HTR1F: variants seen among roughly 807,000 people sequenced by gnomAD.
HTR1F encodes 5-hydroxytryptamine (serotonin) receptor 1F, G protein-coupled.
In HTR1F, 17 loss-of-function variants were observed where a neutral mutation model predicts 24.0. The ratio of observed to expected loss-of-function variants is 0.71; its 90% CI spans 0.48 to 1.06. The LOEUF (loss-of-function observed/expected upper bound fraction) is 1.06. Among genes scored for constraint, HTR1F ranks in the 50% least tolerant of loss-of-function variants. The pLI is 0.00. For synonymous variants in HTR1F, 186 were observed against 156.8 expected (o/e 1.19, Z -1.39); for missense variants, 391 against 427.8 (o/e 0.91, Z 0.76).
intron 2 of HTR1F, among the ~76,000 whole-genome samples, chr3:87,947,987 C>A (rs970751987): frequency 6.6e-6 from 1 of 151,954 alleles, no homozygotes; most frequent in Non-Finnish European, 1.5e-5. Context: ...TTAAACCACT[C>A]ATATGTATGT....
intron 2 of HTR1F, among the ~76,000 whole-genome samples, chr3:87,949,072 T>TA (rs982710994): frequency 5.3e-5 from 8 of 152,082 alleles, no homozygotes; most frequent in African/African-American, 1.9e-4. Flanking sequence ...AATGACTGTT[T>TA]AAAAAAAAGT....
At position 87,893,550 on chromosome 3, in the gene HTR1F, G is replaced by A. The variant is rs181452006; in HGVS notation, c.-43+71426G>A. Among the ~76,000 whole-genome samples the A allele has an allele frequency of 6.9e-4, 105 of 152,260 alleles. 1 individual carries two copies. Among genetic ancestry groups the A allele is most frequent in the East Asian group, 3.9e-4 (2 of 5,180 alleles). ...CAAATTAAAAGACTGCTAGAGGTAG[G>A]CACAATGTCAACAGTAGCAAGTGGC... On this transcript the variant is annotated intron_variant, in intron 2 of 2. Coordinates refer to ENST00000319595, the MANE Select transcript of HTR1F (RefSeq NM_001322209.2).
At chr3:87,830,722 A>G (rs1480139746) in intron 2 of HTR1F, among the ~76,000 whole-genome samples, 2 of 152,208 alleles carry the variant, frequency 1.3e-5, no homozygotes, top group Non-Finnish European at 2.9e-5. Context: ...TGTTTTAGAA[A>G]AAAAATGTGT....
At chr3:87,831,179 G>A (rs1234899869) in intron 2 of HTR1F, among the ~76,000 whole-genome samples, 1 of 151,682 alleles carries the variant, frequency 6.6e-6, no homozygotes, top group Non-Finnish European at 1.5e-5. Flanking sequence ...TATATGAGAA[G>A]AATTTGCTAA....
At chr3:87,872,537 C>T (rs1483785149) in intron 2 of HTR1F, among the ~76,000 whole-genome samples, 1 of 151,518 alleles carries the variant, frequency 6.6e-6, no homozygotes, top group African/African-American at 2.4e-5. Context: ...ACTTGTCTAA[C>T]TAAAAGAGAC....
At chr3:87,933,388 C>G (rs1320764701) in intron 2 of HTR1F, among the ~76,000 whole-genome samples, 1 of 151,948 alleles carries the variant, frequency 6.6e-6, no homozygotes, top group Admixed American at 6.6e-5. Context: ...AAAGGGTATT[C>G]AATTAGGAAA....
chr3:87,913,638 G>C (rs574279622), intron 2 of HTR1F, among the ~76,000 whole-genome samples: 2 of 152,204 alleles, frequency 1.3e-5, no homozygotes, highest in South Asian at 4.1e-4. Context: ...TCCATACGTT[G>C]ATTGCACCAC....
intron 1 of HTR1F, among the ~76,000 whole-genome samples, chr3:87,793,990 G>A (rs1304239503): frequency 6.7e-6 from 1 of 150,184 alleles, no homozygotes; most frequent in East Asian, 1.9e-4. Flanking sequence ...AAAAGAGAGA[G>A]AGAAAACAGG....
chr3:87,796,297 G>GA (rs1399496755), intron 1 of HTR1F, among the ~76,000 whole-genome samples: 1 of 152,012 alleles, frequency 6.6e-6, no homozygotes, highest in East Asian at 1.9e-4. Context: ...AGAGCAACAG[G>GA]AAAAAATGCA....
intron 2 of HTR1F, among the ~76,000 whole-genome samples, chr3:87,958,109 C>A (rs1316509941): frequency 1.3e-5 from 2 of 151,258 alleles, no homozygotes; most frequent in African/African-American, 4.8e-5. Context: ...ATTTTAAATT[C>A]CCCTTGTAAT....
chr3:87,857,489 C>T (rs1429806739), intron 2 of HTR1F, among the ~76,000 whole-genome samples: 1 of 151,864 alleles, frequency 6.6e-6, no homozygotes, highest in African/African-American at 2.4e-5. Flanking sequence ...AATAAATAGA[C>T]CCAAAATAGA....
intron 2 of HTR1F, among the ~76,000 whole-genome samples, chr3:87,879,246 G>A (rs545548248): frequency 5.3e-5 from 8 of 152,222 alleles, no homozygotes; most frequent in African/African-American, 1.7e-4. Context: ...TTGATTTATT[G>A]CAATAAAAAT....
At chr3:87,820,798 T>G (rs1050244130) in intron 1 of HTR1F, among the ~76,000 whole-genome samples, 4 of 152,146 alleles carry the variant, frequency 2.6e-5, no homozygotes, top group African/African-American at 9.6e-5. Context: ...TGGCTAAGAT[T>G]TACAGATTCA....
intron 2 of HTR1F, among the ~76,000 whole-genome samples, chr3:87,971,613 C>A (rs1437769767): frequency 6.6e-6 from 1 of 152,002 alleles, no homozygotes; most frequent in African/African-American, 2.4e-5. Flanking sequence ...ATAATGGGTG[C>A]AAAATTTTAG....
At chr3:87,956,158 G>A (rs1704938672) in intron 2 of HTR1F, among the ~76,000 whole-genome samples, 1 of 151,138 alleles carries the variant, frequency 6.6e-6, no homozygotes, top group African/African-American at 2.4e-5. Context: ...CTCCAGTGTT[G>A]TATGTTTTAT....
At chr3:87,904,433 T>C (rs536783734) in intron 2 of HTR1F, among the ~76,000 whole-genome samples, 27 of 152,092 alleles carry the variant, frequency 1.8e-4, no homozygotes, top group Non-Finnish European at 3.4e-4. Context: ...AGAAGGCTCC[T>C]AACAGCATTA....
At chr3:87,965,103 A>C (rs1219226845) in intron 2 of HTR1F, among the ~76,000 whole-genome samples, 1 of 152,162 alleles carries the variant, frequency 6.6e-6, no homozygotes, top group African/African-American at 2.4e-5. Flanking sequence ...ATCCAGTCTC[A>C]GCTATGTCTT....
At chr3:87,910,369 C>A (rs1703751820) in intron 2 of HTR1F, 2 of 151,728 alleles carry the variant, frequency 1.3e-5, no homozygotes, top group Non-Finnish European at 2.9e-5. Context: ...CAACAAAGAT[C>A]AAAAAAGACA....
At chr3:87,921,748 G>T (rs1704016974) in intron 2 of HTR1F, among the ~76,000 whole-genome samples, 1 of 151,774 alleles carries the variant, frequency 6.6e-6, no homozygotes, top group African/African-American at 2.4e-5. Context: ...CCAGGCTATA[G>T]TAACAACTAT....
Sources: gnomAD v4.1 joint callset for allele counts (sites outside exome capture counted in the v4.1 genomes callset) on GRCh38, gnomAD v4.1.1 for gene constraint, MANE v1.5 for transcripts, NCBI Gene and HGNC (gene_info 2026-07-23, HGNC 2026-07-21) for gene names.